Variants in TENM1 observed in about 807,000 individuals in gnomAD.
TENM1 encodes the protein teneurin-1.
In TENM1, 35 loss-of-function variants were observed where a neutral mutation model predicts 174.8. The ratio of observed to expected loss-of-function variants is 0.20; its 90% confidence interval spans 0.15 to 0.27. The LOEUF is 0.27. TENM1 is among the 10% of genes least tolerant of loss of function. The probability of loss-of-function intolerance (pLI) is 1.00; values close to 1 mark genes in which losing one functional copy is unlikely to be tolerated. For synonymous variants in TENM1, 781 were observed against 798.7 expected (o/e 0.98, Z 0.37); for missense variants, 1,633 against 2,130.1 (o/e 0.77, Z 4.59).
intron 26 of TENM1, among the ~76,000 whole-genome samples, chrX:124,405,992 A>C (rs771835474): frequency 9.6e-6 from 1 of 104,280 alleles, no homozygotes; most frequent in Admixed American, 1.1e-4. Context: ...GCTCAGCTGG[A>C]GCCCAGGCTC....
the TENM1 span, among the ~76,000 whole-genome samples, chrX:125,123,836 C>T: frequency 8.9e-6 from 1 of 112,427 alleles, no homozygotes; most frequent in Admixed American, 9.4e-5. Context: ...CCTTGATGAA[C>T]AGTACTACAC....
chrX:124,675,793 G>GTATTCTATCTTATATTTTATATC (rs2052058768), intron 5 of TENM1, among the ~76,000 whole-genome samples: 1 of 110,005 alleles, frequency 9.1e-6, no homozygotes, highest in African/African-American at 3.3e-5. Context: ...AGATAACGTT[G>GTATTCTATCTTATATTTTATATC]GGTAGTTATA....
At chrX:124,905,586 G>A (rs774212745) in intron 1 of TENM1, among the ~76,000 whole-genome samples, 221 of 111,731 alleles carry the variant, frequency 2.0e-3, no homozygotes, top group Non-Finnish European at 3.1e-3. Flanking sequence ...CCTGAGATAT[G>A]AGAAACAAAT....
At chrX:124,428,631 T>TAA (rs755593287) in intron 23 of TENM1, among the ~76,000 whole-genome samples, 14 of 112,134 alleles carry the variant, frequency 1.2e-4, no homozygotes, top group Non-Finnish European at 2.6e-4. Flanking sequence ...TATCTACTTG[T>TAA]AAAGTTATTG....
At chrX:124,517,536 G>A (rs981445636) in intron 18 of TENM1, among the ~76,000 whole-genome samples, 6 of 107,809 alleles carry the variant, frequency 5.6e-5, no homozygotes, top group African/African-American at 1.4e-4. Context: ...GCTGGAAACC[G>A]TCATTCTCAG....
exon 32 of TENM1, chrX:124,380,632 A>G: frequency 8.3e-7 from 1 of 1,211,232 alleles, no homozygotes. Flanking sequence ...CAAAATACCC[A>G]TCGTAACCTT....
chrX:125,156,643 T>C, the TENM1 span, among the ~76,000 whole-genome samples: 1 of 112,244 alleles, frequency 8.9e-6, no homozygotes, highest in African/African-American at 3.2e-5. Context: ...CTACATTTTC[T>C]TTATCCAGTC....
chrX:124,589,097 T>C (rs1371176307), intron 11 of TENM1, among the ~76,000 whole-genome samples: 7 of 102,022 alleles, frequency 6.9e-5, no homozygotes, highest in African/African-American at 2.8e-4. Context: ...TCTTGAGGGT[T>C]TTTTTTTTTT....
At chrX:124,747,528 G>T (rs1457248171) in intron 3 of TENM1, among the ~76,000 whole-genome samples, 1 of 105,035 alleles carries the variant, frequency 9.5e-6, no homozygotes, top group Non-Finnish European at 2.0e-5. Flanking sequence ...GTTTTGCCAT[G>T]GAAAGTGATG....
chrX:124,676,764 T>C (rs2052096507), intron 5 of TENM1, among the ~76,000 whole-genome samples: 1 of 108,446 alleles, frequency 9.2e-6, no homozygotes, highest in South Asian at 4.1e-4. Context: ...GTTAGAATGT[T>C]GGACTATGTT....
chrX:125,182,294 T>C, the TENM1 span, among the ~76,000 whole-genome samples: 6 of 110,197 alleles, frequency 5.4e-5, no homozygotes, highest in African/African-American at 9.9e-5. Flanking sequence ...TGTAGTTACA[T>C]TGGGCCCACA....
exon 25 of TENM1, chrX:124,420,618 T>A (rs1295278683): frequency 1.7e-6 from 2 of 1,209,881 alleles, no homozygotes; most frequent in Non-Finnish European, 2.2e-6. Context: ...TGTAGGTGGG[T>A]TCCATTTACA....
At chrX:125,073,184 T>C in the TENM1 span, among the ~76,000 whole-genome samples, 2 of 111,225 alleles carry the variant, frequency 1.8e-5, no homozygotes, top group African/African-American at 6.5e-5. Context: ...CGATAACTTA[T>C]GAAAAAATTA....
upstream of TENM1, among the ~76,000 whole-genome samples, chrX:124,964,775 C>T (rs976126290): frequency 2.7e-5 from 3 of 112,125 alleles, no homozygotes; most frequent in African/African-American, 9.7e-5. Context: ...TCCACTGTTG[C>T]AACTTTGCAA....
chrX:125,178,312 A>G, the TENM1 span, among the ~76,000 whole-genome samples: 1 of 111,673 alleles, frequency 9.0e-6, no homozygotes, highest in Admixed American at 9.6e-5. Context: ...TGTGCCCAAA[A>G]TGACTGATTT....
intron 4 of TENM1, among the ~76,000 whole-genome samples, chrX:124,710,843 G>A (rs753306868): frequency 8.9e-6 from 1 of 112,067 alleles, no homozygotes; most frequent in South Asian, 3.7e-4. Flanking sequence ...GACGTGTTTT[G>A]TCATAGGCTT....
chrX:124,578,495 A>G (rs1406697736), intron 11 of TENM1, among the ~76,000 whole-genome samples: 1 of 111,616 alleles, frequency 9.0e-6, no homozygotes, highest in African/African-American at 3.3e-5. Context: ...GCATCTCACT[A>G]AATCTTTCTA....
At chrX:125,025,844 T>C in the TENM1 span, among the ~76,000 whole-genome samples, 2 of 110,965 alleles carry the variant, frequency 1.8e-5, no homozygotes, top group Non-Finnish European at 3.8e-5. Flanking sequence ...TAAATTGCAA[T>C]GGGAATTTAA....
At chrX:124,575,423 C>G (rs1029097395) in intron 11 of TENM1, among the ~76,000 whole-genome samples, 1 of 111,938 alleles carries the variant, frequency 8.9e-6, no homozygotes, top group Non-Finnish European at 1.9e-5. Flanking sequence ...TGTCAGCTAG[C>G]TTTAACTGAA....
Sources: gnomAD v4.1 joint callset for allele counts (sites outside exome capture counted in the v4.1 genomes callset) on GRCh38, gnomAD v4.1.1 for gene constraint, MANE v1.5 for transcripts, NCBI Gene and HGNC (gene_info 2026-07-23, HGNC 2026-07-21) for gene names.